NUBPL: variants seen among roughly 807,000 people sequenced by gnomAD.
The protein encoded by NUBPL is NUBP iron-sulfur cluster assembly factor, mitochondrial, also known as iron-sulfur cluster transfer protein NUBPL.
Under a neutral mutation model 45.7 loss-of-function variants are expected in NUBPL, and 31 were observed. That is an observed-to-expected ratio of 0.68 (90% CI 0.51 to 0.92). The LOEUF (loss-of-function observed/expected upper bound fraction) is 0.92. Ranked by LOEUF, NUBPL falls within the 40% of genes least tolerant of loss-of-function variation. The pLI is 0.00. For missense variants in NUBPL, 401 were observed against 398.7 expected, an observed-to-expected ratio of 1.01 and a Z score of -0.05; for synonymous variants, 144 against 140.9, an observed-to-expected ratio of 1.02 and a Z score of -0.15.
chr14:31,604,699 T>G lies in NUBPL; in HGVS notation c.382+5320T>G, dbSNP rs565686579. On this transcript the variant is annotated intron_variant, in intron 4 of 10. Transcript: ENST00000281081. Reference sequence around the variant, plus strand: ...CGTTTATCCACATTCTCTTCATACCTTTTTTTGGGAGGGTGGGGGGAATTG... The same window carrying G: ...CGTTTATCCACATTCTCTTCATACCGTTTTTTGGGAGGGTGGGGGGAATTG... Among the ~76,000 whole-genome samples, 5 of 152,264 alleles carry G rather than the reference T, an allele frequency of 3.3e-5. No homozygotes were observed. The East Asian group carries it at 7.7e-4, about 23-fold the overall frequency.
chr14:31,780,504 A>C (rs2039174315), intron 6 of NUBPL, among the ~76,000 whole-genome samples: 1 of 152,240 alleles, frequency 6.6e-6, no homozygotes, highest in South Asian at 2.1e-4. Flanking sequence ...TATGTTATCA[A>C]ATTATTGCAA....
chr14:31,730,857 C>T (rs924762352), intron 6 of NUBPL, among the ~76,000 whole-genome samples: 3 of 151,972 alleles, frequency 2.0e-5, no homozygotes, highest in Admixed American at 6.6e-5. Flanking sequence ...TGGAAGAGGA[C>T]GTTGTCAGCC....
At chr14:31,751,529 C>T (rs548272351) in intron 6 of NUBPL, among the ~76,000 whole-genome samples, 1 of 152,348 alleles carries the variant, frequency 6.6e-6, no homozygotes, top group African/African-American at 2.4e-5. Context: ...CCATGTCTCA[C>T]ATTTAGGGCA....
At chr14:31,613,343 C>G (rs1374414985) in intron 4 of NUBPL, among the ~76,000 whole-genome samples, 1 of 151,664 alleles carries the variant, frequency 6.6e-6, no homozygotes, top group Non-Finnish European at 1.5e-5. Context: ...TTAATGGATA[C>G]AAAAAGATGG....
At chr14:31,722,020 A>G (rs1349595625) in intron 6 of NUBPL, among the ~76,000 whole-genome samples, 2 of 152,008 alleles carry the variant, frequency 1.3e-5, no homozygotes, top group African/African-American at 4.8e-5. Flanking sequence ...CTTTTGAGAC[A>G]GAGTCTCGTT....
rs576987891 is a variant in NUBPL at position 31,671,312 on chromosome 14, A to G, written c.383-2043A>G. Among the ~76,000 whole-genome samples the G allele has an allele frequency of 4.6e-5, 7 of 152,352 alleles. No homozygotes were observed. The South Asian group carries it at 1.4e-3, about 32-fold the overall frequency. On this transcript the variant is annotated intron_variant, in intron 4 of 10. Transcript: ENST00000281081. The stretch of plus-strand genomic sequence containing the variant: ...TTTAGGTTGATTTCATATCTTGACT[A>G]TTGCGAATAGTGCTGCAGTAAACAT...
At position 31,781,997 on chromosome 14, in the gene NUBPL, A is replaced by G. The variant is rs191467463; in HGVS notation, c.514-5783A>G. On this transcript the variant is annotated intron_variant, in intron 6 of 10. Transcript: ENST00000281081. ...TTTATCTTGTTTCTGTTTCCTTTCT[A>G]AATCCATATTGTGAAGCTTCTTTTA... 2.1e-3 allele frequency among the ~76,000 whole-genome samples: 317 copies of G among 152,274 alleles called. 4 individuals carry two copies. Among genetic ancestry groups the G allele is most frequent in the Admixed American group, 0.018 (280 of 15,290 alleles).
At chr14:31,803,044 GTTTAC>G (rs2039622483) in intron 7 of NUBPL, among the ~76,000 whole-genome samples, 1 of 152,166 alleles carries the variant, frequency 6.6e-6, no homozygotes, top group Non-Finnish European at 1.5e-5. Context: ...TCCATCAGCA[GTTTAC>G]TTAATCAGTT....
At chr14:31,641,888 A>T (rs985835190) in intron 4 of NUBPL, among the ~76,000 whole-genome samples, 6 of 152,148 alleles carry the variant, frequency 3.9e-5, no homozygotes, top group Non-Finnish European at 5.9e-5. Context: ...TGGCCGTTTT[A>T]TACTGTGTTA....
intron 6 of NUBPL, among the ~76,000 whole-genome samples, chr14:31,744,528 A>G (rs1020628011): frequency 1.3e-5 from 2 of 152,052 alleles, no homozygotes; most frequent in Non-Finnish European, 2.9e-5. Context: ...GAACAACTAT[A>G]TCTCAGAATT....
At chr14:31,846,088 C>T (rs2040447223) in intron 8 of NUBPL, 3 of 281,108 alleles carry the variant, frequency 1.1e-5, no homozygotes, top group African/African-American at 4.5e-5. Context: ...GTAGGCCACA[C>T]AGTTTTATTT....
At chr14:31,669,940 A>G (rs112959827) in intron 4 of NUBPL, among the ~76,000 whole-genome samples, 13,336 of 151,608 alleles carry the variant, frequency 0.088, 734 homozygotes, top group African/African-American at 0.15. Context: ...TGCAGTGAAC[A>G]TTTGTGTGCA....
At chr14:31,798,344 T>C (rs1408072545) in intron 7 of NUBPL, among the ~76,000 whole-genome samples, 2 of 139,746 alleles carry the variant, frequency 1.4e-5, no homozygotes, top group Non-Finnish European at 3.1e-5. Context: ...ATAATATCCA[T>C]GTGGTCAGTT....
chr14:31,744,686 A>G (rs1248169811), intron 6 of NUBPL, among the ~76,000 whole-genome samples: 1 of 146,178 alleles, frequency 6.8e-6, no homozygotes, highest in Non-Finnish European at 1.5e-5. Context: ...CAGTGGCACA[A>G]TCTCGGCTCA....
intron 7 of NUBPL, among the ~76,000 whole-genome samples, chr14:31,802,514 G>C (rs559083690): frequency 4.5e-4 from 68 of 152,156 alleles, no homozygotes; most frequent in African/African-American, 1.6e-3. Context: ...CTGACCTCGT[G>C]ATCCACCCAC....
intron 7 of NUBPL, among the ~76,000 whole-genome samples, chr14:31,817,288 A>T (rs570436941): frequency 1.3e-5 from 2 of 151,890 alleles, no homozygotes; most frequent in African/African-American, 4.8e-5. Flanking sequence ...CCCCAACCTA[A>T]CAAGACAGGC....
rs183325428 is a variant in NUBPL, at chr14:31,652,964, C to T, written c.383-20391C>T. Among the ~76,000 whole-genome samples, 8 of 152,190 alleles carry T rather than the reference C, an allele frequency of 5.3e-5. No homozygotes were observed. In the South Asian group the frequency reaches 6.2e-4, roughly 12 times the overall value. ...AGCTGGGCCTCTGGGGGTGACATCA[C>T]GTATCAGTAGGACTGTGATGCCCAC... On this transcript the variant is annotated intron_variant, in intron 4 of 10. Coordinates refer to ENST00000281081, the MANE Select transcript of NUBPL (RefSeq NM_025152.3).
chr14:31,807,593 G>A lies in NUBPL; in HGVS notation c.608-19036G>A, dbSNP rs959910272. On this transcript the variant is annotated intron_variant, in intron 7 of 10. Coordinates refer to ENST00000281081, the MANE Select transcript of NUBPL (RefSeq NM_025152.3). The stretch of plus-strand genomic sequence containing the variant: ...AGGTTGCCTGTTCACTCTGATGGTA[G>A]TTTCTTTTGCTGTGCAGAAGCTCTT... 8.1e-4 allele frequency among the ~76,000 whole-genome samples: 124 copies of A among 152,164 alleles called. 1 individual carries two copies. Among genetic ancestry groups the A allele is most frequent in the Non-Finnish European group, 1.3e-3 (88 of 68,026 alleles).
At chr14:31,787,272 TGAAA>T (rs1419319749) in intron 6 of NUBPL, among the ~76,000 whole-genome samples, 2 of 152,122 alleles carry the variant, frequency 1.3e-5, no homozygotes, top group Non-Finnish European at 2.9e-5. Flanking sequence ...ATAAATGCCT[TGAAA>T]GAAAGAATCA....
Sources: allele counts gnomAD v4.1 joint callset (sites outside exome capture counted in the v4.1 genomes callset), GRCh38; gene constraint gnomAD v4.1.1; transcripts MANE v1.5; gene names NCBI Gene and HGNC (gene_info 2026-07-23, HGNC 2026-07-21).